The following SLC26A8 variants were observed in gnomAD, a reference collection of about 807,000 sequenced individuals.
SLC26A8 encodes the protein testis anion transporter 1.
Under a neutral mutation model 105.0 loss-of-function variants are expected in SLC26A8, and 70 were observed. The observed-to-expected ratio is 0.67, with a 90% CI of 0.55 to 0.81. The LOEUF is 0.81. SLC26A8 is among the 40% of genes least tolerant of loss of function. The pLI, the probability that SLC26A8 is intolerant of heterozygous loss-of-function variation, is 0.00. For missense variants in SLC26A8, 998 were observed against 1,181.8 expected (o/e 0.84, Z 2.28); for synonymous variants, 415 against 438.3 (o/e 0.95, Z 0.66).
At position 35,989,762 on chromosome 6, in the gene SLC26A8, C is replaced by A. The variant is rs1255129386; in HGVS notation, c.942+1897G>T. ...TAAACTAGGACTACAAGATAGGCATCATTAGGAGATTTGGCTGGTATATCT... is the reference window on the plus strand; with the variant it reads ...TAAACTAGGACTACAAGATAGGCATAATTAGGAGATTTGGCTGGTATATCT... On this transcript the variant is annotated intron_variant, in intron 7 of 19. Coordinates refer to ENST00000490799, the MANE Select transcript of SLC26A8 (RefSeq NM_052961.4). 2.0e-5 allele frequency: 3 copies of A among 152,230 alleles called. No homozygotes were observed. In the East Asian group the frequency reaches 5.8e-4, roughly 29 times the overall value. The allele number at this position is 152,230 out of a possible 1,614,324, so 9.4% of individuals were successfully genotyped here.
Position 35,977,186 on chromosome 6 carries a change from A to C in SLC26A8, c.1173+18T>G. 1 of 1,607,372 alleles carries C rather than the reference A, an allele frequency of 6.2e-7. No individual in the cohort carries two copies. Among genetic ancestry groups the C allele is most frequent in the Non-Finnish European group, 8.5e-7 (1 of 1,177,712 alleles). The stretch of plus-strand genomic sequence containing the variant: ...AGAACAAAGAGTTAAGGATCAGAGG[A>C]AGTAGTAGTCCTCTCACCTGGTTGG... On this transcript the variant is annotated intron_variant, in intron 9 of 19. Coordinates refer to ENST00000490799, the MANE Select transcript of SLC26A8 (RefSeq NM_052961.4).
intron 7 of SLC26A8, among the ~76,000 whole-genome samples, chr6:35,989,133 C>G (rs770053950): frequency 6.6e-6 from 1 of 152,150 alleles, no homozygotes; most frequent in Non-Finnish European, 1.5e-5. Flanking sequence ...AGCCACCGCA[C>G]CCGGCCAGTT....
chr6:35,982,257 G>T, intron 7 of SLC26A8, 54 bp from the exon 8 acceptor site: 1 of 1,558,350 alleles, frequency 6.4e-7, no homozygotes. Context: ...TAAATATAGT[G>T]CATCGCTTCT....
intron 11 of SLC26A8, among the ~76,000 whole-genome samples, chr6:35,965,405 G>A (rs1236619431): frequency 7.9e-5 from 12 of 152,068 alleles, no homozygotes; most frequent in African/African-American, 2.2e-4. Context: ...CTGGCTGGGC[G>A]TGGTGGCTCA....
At chr6:35,970,193 C>A (rs1772733302) in intron 10 of SLC26A8, among the ~76,000 whole-genome samples, 1 of 152,156 alleles carries the variant, frequency 6.6e-6, no homozygotes, top group Non-Finnish European at 1.5e-5. Flanking sequence ...ACCAAAGGAC[C>A]ATTCAGCAAT....
In SLC26A8 at chr6:35,962,576, C is replaced by A; in HGVS notation, c.1411G>T (p.Glu471Ter). 6.2e-7 allele frequency: 1 copy of A among 1,614,120 alleles called. No homozygotes were observed. The highest frequency in any genetic ancestry group is 2.2e-5 in the East Asian group (1 of 44,880). ...IILSNVIPYL[E>*]TISNLPSLWR... ...AGGCTGGGTAGGTTAGAAATGGTTT[C>A]AAGGTAGGGAATGACGTTGCTCAGA... Residue 471 changes from glutamate (E) to a stop codon, truncating the protein, a stop_gained, in exon 12 of 20, where the codon GAA (glutamate) becomes TAA (stop). Coordinates refer to ENST00000490799, the MANE Select transcript of SLC26A8 (RefSeq NM_052961.4). LOFTEE classifies it high-confidence loss of function.
Position 36,019,514 on chromosome 6 carries a change from A to G in SLC26A8, c.188+6T>C. The G allele has an allele frequency of 6.2e-7, 1 of 1,610,568 alleles. No individual in the cohort carries two copies. The highest frequency in any genetic ancestry group is 2.2e-5 in the East Asian group (1 of 44,806). ...CGGCAGCAGGTGAAAGATTGGACAC[A>G]CGCACCGGCACTGGACGTGGTGTCT... On this transcript the variant is annotated splice_donor_region_variant and intron_variant, in intron 2 of 19. Transcript: ENST00000490799.
At chr6:35,965,478 G>A (rs772913179) in intron 11 of SLC26A8, among the ~76,000 whole-genome samples, 3 of 151,102 alleles carry the variant, frequency 2.0e-5, no homozygotes, top group Admixed American at 6.6e-5. Context: ...TTGGGGGTTC[G>A]AGACCAGCCT....
rs548266861 is a variant in SLC26A8, at chr6:35,962,461, T to C, written c.1461+65A>G. 1.6e-4 allele frequency: 206 copies of C among 1,320,774 alleles called. No homozygotes were observed. The African/African-American group carries it at 2.1e-3, about 14-fold the overall frequency. 81.8% of individuals were successfully genotyped at this position (1,320,774 alleles called of 1,614,324 possible). A position where few individuals can be genotyped will look rare whatever the true frequency, so the allele number is the denominator to read the frequency against. ...GTCCATGGCAGATCTCTTTTGTTTG[T>C]TCTTTCTCCCTCTCTCCAACCTCCC... On this transcript the variant is annotated intron_variant, in intron 12 of 19. Coordinates refer to ENST00000490799, the MANE Select transcript of SLC26A8 (RefSeq NM_052961.4).
intron 5 of SLC26A8, 151 bp downstream of exon 5, chr6:35,997,587 A>T: frequency 1.4e-6 from 1 of 721,486 alleles, no homozygotes; most frequent in Non-Finnish European, 2.2e-6. Context: ...CTAAGGAGAC[A>T]CGCTATTCAC....
chr6:35,959,645 A>C, intron 15 of SLC26A8, 54 bp from the exon 16 acceptor site: 1 of 1,608,866 alleles, frequency 6.2e-7, no homozygotes, highest in Non-Finnish European at 8.5e-7. Context: ...CAGAAGGTGA[A>C]AGAGTGGGAG....
intron 9 of SLC26A8, 75 bp downstream of exon 9, chr6:35,977,129 C>T: frequency 6.6e-7 from 1 of 1,506,166 alleles, no homozygotes; most frequent in Non-Finnish European, 8.9e-7. Context: ...AAAAAAGACT[C>T]CTGCTTCATG....
chr6:35,963,580 C>T (rs944297547), intron 11 of SLC26A8, among the ~76,000 whole-genome samples: 1 of 152,218 alleles, frequency 6.6e-6, no homozygotes, highest in Non-Finnish European at 1.5e-5. Flanking sequence ...AAGTCGACCA[C>T]TCACAGGTGC....
intron 6 of SLC26A8, 73 bp downstream of exon 6, chr6:35,992,436 TA>T: frequency 6.7e-7 from 1 of 1,501,696 alleles, no homozygotes; most frequent in South Asian, 1.3e-5. Flanking sequence ...GGAGTCTCCC[TA>T]CTGAGCTCCA....
chr6:35,961,044 A>C lies in SLC26A8; in HGVS notation c.1517T>G (p.Leu506Arg), dbSNP rs1020370881. 2 of 1,614,054 alleles carry C rather than the reference A, an allele frequency of 1.2e-6. No homozygotes were observed. The highest frequency in any genetic ancestry group is 1.7e-5 in the Admixed American group (1 of 60,004). Residue 506 changes from leucine (L) to arginine (R), a missense_variant, in exon 13 of 20, where the codon CTA becomes CGA. Coordinates refer to ENST00000490799, the MANE Select transcript of SLC26A8 (RefSeq NM_052961.4). ...SSIFLGLDIG[L>R]IISVVSAFFI... is the part of the protein sequence containing the mutation. ...GAAAGCAGAAACTACTGAGATAATT[A>C]GTCCAATGTCCAGTCCCAGGAAAAT... is the stretch of plus-strand genomic sequence containing the variant.
intron 3 of SLC26A8, among the ~76,000 whole-genome samples, chr6:36,007,547 T>C (rs1463183444): frequency 6.6e-6 from 1 of 152,210 alleles, no homozygotes; most frequent in African/African-American, 2.4e-5. Flanking sequence ...TTTAATGGAA[T>C]ACCTATCAAA....
Position 35,960,990 on chromosome 6 carries a change from T to G in SLC26A8, c.1568+3A>C, listed in dbSNP as rs1282619372. 2 of 1,614,054 alleles carry G rather than the reference T, an allele frequency of 1.2e-6. No homozygotes were observed. The highest frequency in any genetic ancestry group is 1.7e-6 in the Non-Finnish European group (2 of 1,179,908). ...TAACCTCCTATTACCTGAGACAAAG[T>G]ACCTGTGTGAACGAACAGTGGTGAT... On this transcript the variant is annotated splice_donor_region_variant and intron_variant, in intron 13 of 19. Transcript: ENST00000490799.
intron 2 of SLC26A8, among the ~76,000 whole-genome samples, chr6:36,018,376 G>C (rs1350997539): frequency 1.3e-5 from 2 of 152,150 alleles, no homozygotes; most frequent in African/African-American, 4.8e-5. Flanking sequence ...GATGAATCTT[G>C]AAAACATTAT....
chr6:35,959,954 GC>G, intron 14 of SLC26A8, 148 bp from the exon 15 acceptor site: 1 of 623,716 alleles, frequency 1.6e-6, no homozygotes, highest in Non-Finnish European at 2.6e-6. Flanking sequence ...TGTTGCCCAG[GC>G]TGGAGTGCAA....
Sources: allele counts gnomAD v4.1 joint callset (sites outside exome capture counted in the v4.1 genomes callset), GRCh38; gene constraint gnomAD v4.1.1; transcripts MANE v1.5; gene names NCBI Gene and HGNC (gene_info 2026-07-23, HGNC 2026-07-21).